LRP1B: variants seen among roughly 807,000 people sequenced by gnomAD.
LRP1B encodes the protein low-density lipoprotein receptor-related protein 1B.
In LRP1B, 217 loss-of-function variants were observed where a neutral mutation model predicts 556.6. The ratio of observed to expected loss-of-function variants is 0.39; its 90% CI spans 0.35 to 0.44. The LOEUF is 0.44. Among genes scored for constraint, LRP1B ranks in the 20% least tolerant of loss-of-function variants. The pLI is 1.00. For missense variants in LRP1B, 5,053 were observed against 5,620.8 expected (o/e 0.90, Z 3.23); for synonymous variants, 2,047 against 1,865.8 (o/e 1.10, Z -2.50).
chr2:141,431,032 A>G lies in LRP1B; in HGVS notation c.343+49364T>C, dbSNP rs114661500. On this transcript the variant is annotated intron_variant, in intron 3 of 90. Transcript: ENST00000389484. ...TGTGCCTATAGTTTTGGCTTTTGGG[A>G]GGCTAAGGTAGGAGTACTGCTTGAG... Among the ~76,000 whole-genome samples the G allele has an allele frequency of 4.1e-3, 624 of 152,030 alleles. 5 individuals carry two copies. The highest frequency in any genetic ancestry group is 0.014 in the African/African-American group (598 of 41,474).
intron 3 of LRP1B, among the ~76,000 whole-genome samples, chr2:141,439,156 G>A (rs1447448599): frequency 2.0e-5 from 3 of 152,094 alleles, no homozygotes; most frequent in Admixed American, 6.6e-5. Context: ...CCTTAAGAGC[G>A]AAGTGAATTT....
rs1391682569 is a variant in LRP1B, at chr2:140,492,626, G to T, written c.9102C>A (p.Asn3034Lys). ...EIRKISTDGS[N>K]YTLLKQGLNN... ...GTCATACCTGTTTTAAAAGTGTGTA[G>T]TTGGAGCCATCAGTGCTAATTTTCC... Residue 3034 changes from asparagine to lysine, a missense_variant, in exon 57 of 91, where the codon AAC (asparagine) becomes AAA (lysine). By Grantham distance (94) the Asn-to-Lys change is moderately conservative (BLOSUM62 0). Coordinates refer to ENST00000389484, the MANE Select transcript of LRP1B (RefSeq NM_018557.3). 2 of 1,613,386 alleles carry T rather than the reference G, an allele frequency of 1.2e-6. No individual in the cohort carries two copies.
At chr2:141,372,412 A>G (rs985996988) in intron 3 of LRP1B, among the ~76,000 whole-genome samples, 1 of 152,110 alleles carries the variant, frequency 6.6e-6, no homozygotes, top group Non-Finnish European at 1.5e-5. Context: ...TGAGTTAGGG[A>G]GAACTCCCTC....
At chr2:140,849,720 G>A (rs1342013730) in intron 29 of LRP1B, among the ~76,000 whole-genome samples, 2 of 151,836 alleles carry the variant, frequency 1.3e-5, no homozygotes, top group Admixed American at 1.3e-4. Flanking sequence ...TGTATTTTTA[G>A]TAGAGACAGG....
chr2:141,545,225 A>C (rs1685508784), intron 2 of LRP1B, among the ~76,000 whole-genome samples: 1 of 152,172 alleles, frequency 6.6e-6, no homozygotes, highest in African/African-American at 2.4e-5. Context: ...CAGTCTTCCT[A>C]TAGCCCATCT....
At position 140,408,379 on chromosome 2, in the gene LRP1B, G is replaced by C. The variant is rs1365705034; in HGVS notation, c.10415-22370C>G. 3.9e-5 allele frequency among the ~76,000 whole-genome samples: 6 copies of C among 151,934 alleles called. No homozygotes were observed. The South Asian group carries it at 6.2e-4, about 16-fold the overall frequency. ...AATGGCATGCATTAGTGCCAATGCTGATCATGTACTAGGCGATCTTGTGAG... is the reference window on the plus strand; with the variant it reads ...AATGGCATGCATTAGTGCCAATGCTCATCATGTACTAGGCGATCTTGTGAG... On this transcript the variant is annotated intron_variant, in intron 66 of 90. Coordinates refer to ENST00000389484, the MANE Select transcript of LRP1B (RefSeq NM_018557.3).
chr2:140,803,545 G>A (rs1188174674), intron 32 of LRP1B, among the ~76,000 whole-genome samples: 1 of 151,688 alleles, frequency 6.6e-6, no homozygotes, highest in Admixed American at 6.6e-5. Flanking sequence ...TGATCCACTC[G>A]CCTTGGCCTC....
At chr2:141,264,056 A>G (rs1684798266) in intron 3 of LRP1B, among the ~76,000 whole-genome samples, 1 of 152,200 alleles carries the variant, frequency 6.6e-6, no homozygotes, top group Admixed American at 6.5e-5. Context: ...TTCTCTTACC[A>G]TTTATATTCA....
chr2:141,012,426 T>C (rs1014411232), intron 14 of LRP1B, among the ~76,000 whole-genome samples: 47 of 152,028 alleles, frequency 3.1e-4, no homozygotes, highest in African/African-American at 9.7e-4. Context: ...ATAGGCAAAC[T>C]ATGGTAGTGT....
At chr2:141,367,162 A>C (rs1689069833) in intron 3 of LRP1B, among the ~76,000 whole-genome samples, 1 of 152,218 alleles carries the variant, frequency 6.6e-6, no homozygotes, top group African/African-American at 2.4e-5. Context: ...TTTTAATTTC[A>C]TATAGTACAA....
intron 2 of LRP1B, among the ~76,000 whole-genome samples, chr2:141,630,695 C>T: frequency 6.6e-6 from 1 of 152,278 alleles, no homozygotes; most frequent in East Asian, 1.9e-4. Flanking sequence ...TAATCCCATC[C>T]TAAATAGAGG....
At chr2:141,423,715 G>A (rs1182914872) in intron 3 of LRP1B, among the ~76,000 whole-genome samples, 3 of 151,764 alleles carry the variant, frequency 2.0e-5, no homozygotes, top group Admixed American at 6.6e-5. Flanking sequence ...CAGAATGTGT[G>A]GATTCTTACT....
chr2:140,763,366 T>C (rs1688996156), intron 35 of LRP1B, among the ~76,000 whole-genome samples: 1 of 151,924 alleles, frequency 6.6e-6, no homozygotes, highest in African/African-American at 2.4e-5. Flanking sequence ...TAAAAAGAAA[T>C]ATGGCAGCAC....
rs953861530 is a variant in LRP1B at position 141,218,550 on chromosome 2, T to C, written c.850+10633A>G. ...TTCAGAAACAGAAAACCAAACACTA[T>C]ATATTCTCACTTATAAGTGGGAGCT... is the stretch of plus-strand genomic sequence containing the variant. On this transcript the variant is annotated intron_variant, in intron 6 of 90. Coordinates refer to ENST00000389484, the MANE Select transcript of LRP1B (RefSeq NM_018557.3). Among the ~76,000 whole-genome samples the C allele has an allele frequency of 3.9e-5, 6 of 152,192 alleles. No homozygotes were observed. The East Asian group carries it at 1.2e-3, about 29-fold the overall frequency.
intron 1 of LRP1B, among the ~76,000 whole-genome samples, chr2:141,830,138 A>G (rs1184187102): frequency 6.6e-6 from 1 of 151,986 alleles, no homozygotes; most frequent in Non-Finnish European, 1.5e-5. Context: ...TGCTTAATTG[A>G]TATCATAGTA....
At chr2:141,927,281 T>C (rs1358191832) in intron 1 of LRP1B, among the ~76,000 whole-genome samples, 1 of 152,144 alleles carries the variant, frequency 6.6e-6, no homozygotes, top group Non-Finnish European at 1.5e-5. Context: ...GGGTAAATGT[T>C]GTGAATTTTG....
At chr2:140,387,629 T>C (rs1465437987) in intron 66 of LRP1B, among the ~76,000 whole-genome samples, 1 of 152,114 alleles carries the variant, frequency 6.6e-6, no homozygotes, top group African/African-American at 2.4e-5. Context: ...TCTTCCTGCC[T>C]GCTAATAATT....
chr2:140,360,303 T>C (rs1682447041), intron 72 of LRP1B, among the ~76,000 whole-genome samples: 1 of 151,496 alleles, frequency 6.6e-6, no homozygotes, highest in Admixed American at 6.6e-5. Context: ...ACTCCATCCC[T>C]GACCTCCTTG....
At position 141,367,471 on chromosome 2, in the gene LRP1B, C is replaced by CT. The variant is rs1169568111; in HGVS notation, c.344-112831dup. Among the ~76,000 whole-genome samples, 279 of 44,952 alleles carry CT rather than the reference C, an allele frequency of 6.2e-3. 53 individuals are homozygous for CT. The highest frequency in any genetic ancestry group is 0.028 in the Middle Eastern group (1 of 36). The allele number at this position is 44,952 out of a possible 152,430, so 29.5% of individuals were successfully genotyped here. A position where few individuals can be genotyped will look rare whatever the true frequency, so the allele number is the denominator to read the frequency against. On this transcript the variant is annotated intron_variant, in intron 3 of 90. Transcript: ENST00000389484. ...TGGATTGGTTTAGACATTTGAAATG[C>CT]TTTTTTTTTTTTTTTTTTTTTTTTT... is the stretch of plus-strand genomic sequence containing the variant.
Sources: allele counts gnomAD v4.1 joint callset (sites outside exome capture counted in the v4.1 genomes callset), GRCh38; gene constraint gnomAD v4.1.1; transcripts MANE v1.5; gene names NCBI Gene and HGNC (gene_info 2026-07-23, HGNC 2026-07-21).